TMBIM6: variants seen among roughly 807,000 people sequenced by gnomAD.
TMBIM6 encodes the protein bax inhibitor 1.
A neutral mutation model predicts 31.4 loss-of-function variants in TMBIM6; 13 were observed. The observed-to-expected ratio is 0.41, with a 90% confidence interval of 0.27 to 0.66. The LOEUF is 0.66. Ranked by LOEUF, TMBIM6 falls within the 30% of genes least tolerant of loss-of-function variation. The pLI is 0.28. For synonymous variants in TMBIM6, 85 were observed against 101.7 expected (o/e 0.84, Z 0.99); for missense variants, 275 against 289.5 (o/e 0.95, Z 0.36).
At chr12:49,753,136 C>T in intron 3 of TMBIM6, 55 bp downstream of exon 3, 2 of 1,492,260 alleles carry the variant, frequency 1.3e-6, no homozygotes, top group Non-Finnish European at 1.9e-6. Flanking sequence ...TAGGAAAAAA[C>T]CAGCTCAGCA....
At chr12:49,762,640 G>A (rs1473800391) in intron 9 of TMBIM6, among the ~76,000 whole-genome samples, 1 of 152,168 alleles carries the variant, frequency 6.6e-6, no homozygotes, top group Non-Finnish European at 1.5e-5. Context: ...GCACTCCTGG[G>A]GTGGGGGTGG....
chr12:49,758,809 CTT>C lies in TMBIM6; in HGVS notation c.513+49_513+50del, dbSNP rs769507192. On this transcript the variant is annotated intron_variant, in intron 7 of 9. Coordinates refer to ENST00000267115, the MANE Select transcript of TMBIM6 (RefSeq NM_003217.3). The stretch of plus-strand genomic sequence containing the variant: ...TCCAGCAGCCATTTGCCTCACACTT[CTT>C]TCTTTCCTTTTTTTTTTTTTTTTGC... The C allele has an allele frequency of 4.7e-6, 6 of 1,285,664 alleles. No homozygotes were observed. The East Asian group carries it at 1.4e-4, about 30-fold the overall frequency. 79.6% of individuals were successfully genotyped at this position (1,285,664 alleles called of 1,614,324 possible). A position where few individuals can be genotyped will look rare whatever the true frequency, so the allele number is the denominator to read the frequency against.
chr12:49,746,719 A>G (rs1374160253), intron 1 of TMBIM6, among the ~76,000 whole-genome samples: 1 of 152,212 alleles, frequency 6.6e-6, no homozygotes, highest in Non-Finnish European at 1.5e-5. Context: ...GTGTATGAAC[A>G]TTACTCAGTA....
intron 3 of TMBIM6, 52 bp from the exon 4 acceptor site, chr12:49,755,579 AAAAT>A (rs1945573454): frequency 1.2e-5 from 19 of 1,600,088 alleles, no homozygotes; most frequent in Non-Finnish European, 1.6e-5. Flanking sequence ...GGTCTCTTGC[AAAAT>A]AAATTTGAAA....
intron 8 of TMBIM6, among the ~76,000 whole-genome samples, chr12:49,761,261 G>GT: frequency 6.6e-6 from 1 of 152,118 alleles, no homozygotes; most frequent in East Asian, 1.9e-4. Flanking sequence ...CCAAGCTGCA[G>GT]TAGGAGAGTG....
chr12:49,746,443 A>G lies in TMBIM6; in HGVS notation c.-31+4832A>G, dbSNP rs923618842. On this transcript the variant is annotated intron_variant, in intron 1 of 9. Coordinates refer to ENST00000267115, the MANE Select transcript of TMBIM6 (RefSeq NM_003217.3). ...ACACCAGTAATAACAATGTTAGTAC[A>G]CCAGTAATAACAATGGTTACCATGT... Among the ~76,000 whole-genome samples the G allele has an allele frequency of 2.0e-5, 3 of 152,336 alleles. No individual in the cohort carries two copies. The South Asian group carries it at 6.2e-4, about 32-fold the overall frequency.
intron 1 of TMBIM6, among the ~76,000 whole-genome samples, chr12:49,745,341 A>G (rs1358788424): frequency 1.3e-5 from 2 of 152,258 alleles, no homozygotes; most frequent in Non-Finnish European, 2.9e-5. Flanking sequence ...TGCCATTTAA[A>G]CAAAAGTACA....
At chr12:49,755,821 C>T (rs77056500) in intron 4 of TMBIM6, 66 bp downstream of exon 4, 106,782 of 1,528,930 alleles carry the variant, frequency 0.07, 4,275 homozygotes, top group African/African-American at 0.18. Context: ...TAATTAGTTC[C>T]CCCCCCTTTT....
chr12:49,763,139 C>T lies in TMBIM6; in HGVS notation c.*243C>T, dbSNP rs1021773925. On this transcript the variant is annotated 3_prime_UTR_variant, in exon 10 of 10. Transcript: ENST00000267115. ...CTTTTTTGTCAACCCCATCTGTAGCCTCTTCCTCTACTCAGGCAGTCGACC... is the reference window on the plus strand; with the variant it reads ...CTTTTTTGTCAACCCCATCTGTAGCTTCTTCCTCTACTCAGGCAGTCGACC... 11 of 401,836 alleles carry T rather than the reference C, an allele frequency of 2.7e-5. No individual in the cohort carries two copies. Among genetic ancestry groups the T allele is most frequent in the African/African-American group, 1.8e-4 (9 of 50,140 alleles). 24.9% of individuals were successfully genotyped at this position (401,836 alleles called of 1,614,324 possible).
chr12:49,753,148 G>C, intron 3 of TMBIM6, 67 bp downstream of exon 3: 1 of 1,250,542 alleles, frequency 8.0e-7, no homozygotes, highest in African/African-American at 1.5e-5. Flanking sequence ...AGCTCAGCAA[G>C]GTGGTCCAAG....
intron 4 of TMBIM6, among the ~76,000 whole-genome samples, chr12:49,757,197 T>C (rs907273021): frequency 4.6e-5 from 7 of 152,172 alleles, no homozygotes; most frequent in African/African-American, 1.7e-4. Flanking sequence ...CTCATATAGG[T>C]TCATTTTGTT....
intron 3 of TMBIM6, among the ~76,000 whole-genome samples, chr12:49,754,322 T>C (rs960380797): frequency 2.6e-5 from 4 of 152,212 alleles, no homozygotes; most frequent in African/African-American, 9.6e-5. Context: ...AGCATAGTGC[T>C]GAAGTGCTGT....
chr12:49,756,811 A>G (rs2136953109), intron 4 of TMBIM6, among the ~76,000 whole-genome samples: 1 of 150,760 alleles, frequency 6.6e-6, no homozygotes, highest in South Asian at 2.1e-4. Context: ...ATCTTGGCTC[A>G]CTGCAGCCTC....
At chr12:49,759,132 T>TG in intron 7 of TMBIM6, 89 bp from the exon 8 acceptor site, 1 of 1,134,194 alleles carries the variant, frequency 8.8e-7, no homozygotes, top group South Asian at 1.3e-5. Context: ...TTGATGTACT[T>TG]TCAAGTGACT....
At chr12:49,742,424 T>C in intron 1 of TMBIM6, 1 of 1,178,656 alleles carries the variant, frequency 8.5e-7, no homozygotes, top group Non-Finnish European at 1.1e-6. Context: ...TCTTTGTATA[T>C]TTACTGAGTG....
rs186525370 is a variant in TMBIM6, at chr12:49,755,701, C to A, written c.232C>A (p.His78Asn). 4 of 1,614,180 alleles carry A rather than the reference C, an allele frequency of 2.5e-6. No homozygotes were observed. Among genetic ancestry groups the A allele is most frequent in the Non-Finnish European group, 3.4e-6 (4 of 1,180,016 alleles). Residue 78 changes from histidine to asparagine, a missense_variant, in exon 4 of 10, where the codon CAT becomes AAT. By Grantham distance (68) the His-to-Asn change is moderately conservative. Transcript: ENST00000267115. ...TTGGCTGATGGCAACACCTCATAGC[C>A]ATGAAACTGAACAGAAAAGACTGGG... is the stretch of plus-strand genomic sequence containing the variant. Reference protein sequence around the residue: ...MIWLMATPHSHETEQKRLGLL... With the variant: ...MIWLMATPHSNETEQKRLGLL...
In TMBIM6 at chr12:49,761,777, A is replaced by G. The variant is rs377089649; in HGVS notation, c.688A>G (p.Lys230Glu). Residue 230 changes from lysine to glutamate, a missense_variant and splice_region_variant, in exon 9 of 10, where the codon AAG becomes GAG. Transcript: ENST00000267115. ...CATGATGATCCTGGCCATGAATGAAAAGGTTAGTTAGCCTACAACCCAAAG... is the reference window on the plus strand; with the variant it reads ...CATGATGATCCTGGCCATGAATGAAGAGGTTAGTTAGCCTACAACCCAAAG... ...KLMMILAMNE[K>E]DKKKEKK The G allele has an allele frequency of 6.2e-7, 1 of 1,614,070 alleles. No individual in the cohort carries two copies. Among genetic ancestry groups the G allele is most frequent in the African/African-American group, 1.3e-5 (1 of 74,946 alleles).
Position 49,741,630 on chromosome 12 carries a change from C to G in TMBIM6, c.-31+19C>G, listed in dbSNP as rs879109468. On this transcript the variant is annotated intron_variant, in intron 1 of 9. Coordinates refer to ENST00000267115, the MANE Select transcript of TMBIM6 (RefSeq NM_003217.3). Reference sequence around the variant, plus strand: ...TAGGAAGGTACGTCTGAACCTAGTACTGGGCGAACTGGGAGTGAGAAATGG... The same window carrying G: ...TAGGAAGGTACGTCTGAACCTAGTAGTGGGCGAACTGGGAGTGAGAAATGG... 18 of 170,544 alleles carry G rather than the reference C, an allele frequency of 1.1e-4. No homozygotes were observed. The South Asian group carries it at 1.8e-3, about 17-fold the overall frequency. The allele number at this position is 170,544 out of a possible 1,614,324, so 10.6% of individuals were successfully genotyped here.
At chr12:49,742,084 C>G (rs1945305242) in intron 1 of TMBIM6, 2 of 1,584,604 alleles carry the variant, frequency 1.3e-6, no homozygotes, top group Admixed American at 3.6e-5. Flanking sequence ...TCGGGCTGAC[C>G]CTGGGTGAGC....
Sources: gnomAD v4.1 joint callset for allele counts (sites outside exome capture counted in the v4.1 genomes callset) on GRCh38, gnomAD v4.1.1 for gene constraint, MANE v1.5 for transcripts, NCBI Gene and HGNC (gene_info 2026-07-23, HGNC 2026-07-21) for gene names.